Variants in IQGAP2 observed in about 807,000 individuals in gnomAD.
The protein encoded by IQGAP2 is ras GTPase-activating-like protein IQGAP2.
In IQGAP2, 173 loss-of-function variants were observed where a neutral mutation model predicts 201.3. That is an observed-to-expected ratio of 0.86 (90% CI 0.76 to 0.98). IQGAP2 has a LOEUF of 0.98. IQGAP2 is among the 50% of genes least tolerant of loss of function. The probability of loss-of-function intolerance (pLI) is 0.00; values close to 1 mark genes in which losing one functional copy is unlikely to be tolerated. For missense variants in IQGAP2, 1,687 were observed against 1,864.8 expected (o/e 0.90, Z 1.76); for synonymous variants, 675 against 673.9 (o/e 1.00, Z -0.03).
chr5:76,671,705 A>G, intron 23 of IQGAP2, 54 bp from the exon 24 acceptor site: 2 of 1,321,938 alleles, frequency 1.5e-6, no homozygotes, highest in East Asian at 2.3e-5. Flanking sequence ...AAAAAAAAAA[A>G]AAAATCTGTA....
chr5:76,590,123 T>C (rs1372943626), intron 7 of IQGAP2, among the ~76,000 whole-genome samples: 1 of 152,234 alleles, frequency 6.6e-6, no homozygotes, highest in Non-Finnish European at 1.5e-5. Context: ...AAGGATTGAC[T>C]TACCTTCTAA....
chr5:76,548,450 C>T (rs1195504412), intron 2 of IQGAP2, among the ~76,000 whole-genome samples: 2 of 152,216 alleles, frequency 1.3e-5, no homozygotes, highest in Admixed American at 6.5e-5. Flanking sequence ...AAGGTTTCAC[C>T]TAAGGCTTCT....
At chr5:76,683,661 G>T in intron 29 of IQGAP2, 115 bp from the exon 30 acceptor site, 2 of 921,486 alleles carry the variant, frequency 2.2e-6, no homozygotes, top group Non-Finnish European at 3.2e-6. Flanking sequence ...TAAAGACCAT[G>T]ATCTCCCATT....
At chr5:76,705,570 A>G (rs1236366681) in intron 35 of IQGAP2, among the ~76,000 whole-genome samples, 38 of 152,180 alleles carry the variant, frequency 2.5e-4, no homozygotes, top group Non-Finnish European at 4.4e-5. Flanking sequence ...TGTTTAACAG[A>G]TGTTGCATTT....
chr5:76,518,002 G>T (rs574873190), intron 2 of IQGAP2, among the ~76,000 whole-genome samples: 1 of 152,208 alleles, frequency 6.6e-6, no homozygotes, highest in East Asian at 1.9e-4. Flanking sequence ...TATCACCCAG[G>T]CTGGAGTGCA....
chr5:76,411,816 C>T (rs1751137373), intron 1 of IQGAP2, among the ~76,000 whole-genome samples: 1 of 152,208 alleles, frequency 6.6e-6, no homozygotes, highest in Non-Finnish European at 1.5e-5. Flanking sequence ...AAAATCTCCA[C>T]TGACTAGAGA....
At chr5:76,597,182 G>A (rs1747090632) in intron 9 of IQGAP2, 1 of 430,158 alleles carries the variant, frequency 2.3e-6, no homozygotes, top group African/African-American at 2.0e-5. Flanking sequence ...TTGGAAGGAA[G>A]TCATGCTACT....
intron 1 of IQGAP2, among the ~76,000 whole-genome samples, chr5:76,454,178 C>A (rs1422046262): frequency 6.6e-6 from 1 of 152,098 alleles, no homozygotes; most frequent in East Asian, 1.9e-4. Context: ...GTTCTAGATA[C>A]ACCCCACCCA....
intron 25 of IQGAP2, 151 bp from the exon 26 acceptor site, chr5:76,673,801 G>A: frequency 1.5e-6 from 1 of 680,494 alleles, no homozygotes; most frequent in East Asian, 2.7e-5. Flanking sequence ...ATTATCATCA[G>A]TGGAAGTCCT....
intron 1 of IQGAP2, among the ~76,000 whole-genome samples, chr5:76,429,521 A>G (rs1367314783): frequency 6.7e-6 from 1 of 149,900 alleles, no homozygotes; most frequent in Non-Finnish European, 1.5e-5. Flanking sequence ...GCAGTGAGCC[A>G]AGATCGCACC....
intron 33 of IQGAP2, 47 bp from the exon 34 acceptor site, chr5:76,701,029 C>G (rs775163302): frequency 6.2e-7 from 1 of 1,603,938 alleles, no homozygotes; most frequent in Non-Finnish European, 8.5e-7. Flanking sequence ...CCAGAAGCCT[C>G]TGCATTTGCC....
chr5:76,433,950 G>C (rs1199325594), intron 1 of IQGAP2, among the ~76,000 whole-genome samples: 1 of 152,132 alleles, frequency 6.6e-6, no homozygotes, highest in Non-Finnish European at 1.5e-5. Flanking sequence ...AAACAAACTA[G>C]CTCTTAAATA....
At chr5:76,592,391 A>T (rs1746721363) in intron 8 of IQGAP2, among the ~76,000 whole-genome samples, 1 of 152,152 alleles carries the variant, frequency 6.6e-6, no homozygotes, top group Non-Finnish European at 1.5e-5. Context: ...ATTGATTATG[A>T]TCTCTTTGCA....
At chr5:76,547,194 T>A (rs1743149247) in intron 2 of IQGAP2, among the ~76,000 whole-genome samples, 1 of 152,200 alleles carries the variant, frequency 6.6e-6, no homozygotes, top group Non-Finnish European at 1.5e-5. Context: ...TGTGTAACTC[T>A]CCCTCATTCA....
intron 2 of IQGAP2, among the ~76,000 whole-genome samples, chr5:76,522,729 T>G (rs115120162): frequency 1.6e-4 from 24 of 152,192 alleles, no homozygotes; most frequent in Non-Finnish European, 3.4e-4. Context: ...AGAGCAGAGA[T>G]AGTATGGTAG....
At chr5:76,581,679 T>G (rs566264456) in intron 5 of IQGAP2, among the ~76,000 whole-genome samples, 12 of 152,336 alleles carry the variant, frequency 7.9e-5, no homozygotes, top group African/African-American at 2.9e-4. Context: ...GTTTGTATAT[T>G]TAACTCTTCA....
chr5:76,693,814 C>A, intron 31 of IQGAP2: 11 of 159,014 alleles, frequency 6.9e-5, no homozygotes, highest in East Asian at 1.8e-4. Flanking sequence ...TAACTTGAAA[C>A]AAATAAGCGA....
intron 2 of IQGAP2, among the ~76,000 whole-genome samples, chr5:76,559,623 C>A (rs540492950): frequency 6.6e-6 from 1 of 152,280 alleles, no homozygotes; most frequent in East Asian, 1.9e-4. Flanking sequence ...TCTGTTCTCC[C>A]CAGCTTCCGG....
intron 14 of IQGAP2, chr5:76,628,639 A>G: frequency 4.5e-6 from 2 of 446,398 alleles, no homozygotes; most frequent in South Asian, 3.3e-5. Flanking sequence ...ATTCTGTTGT[A>G]TCAGGTCAGA....
Sources: allele counts gnomAD v4.1 joint callset (sites outside exome capture counted in the v4.1 genomes callset), GRCh38; gene constraint gnomAD v4.1.1; transcripts MANE v1.5; gene names NCBI Gene and HGNC (gene_info 2026-07-23, HGNC 2026-07-21).